The following FAM167A variants were observed in gnomAD, a reference collection of about 807,000 sequenced individuals.
The protein encoded by FAM167A is protein FAM167A.
FAM167A carries 23 observed loss-of-function variants against 14.9 expected under a neutral mutation model. The ratio of observed to expected loss-of-function variants is 1.55; its 90% confidence interval spans 1.11 to 2.19. The LOEUF (loss-of-function observed/expected upper bound fraction) is 2.19, where lower values mean the gene tolerates loss of function less well. Among genes scored for constraint, FAM167A ranks in the 30% most tolerant of loss-of-function variants. The pLI is 0.00. For synonymous variants in FAM167A, 174 were observed against 117.7 expected (o/e 1.48, Z -3.10); for missense variants, 401 against 281.5 (o/e 1.42, Z -3.04).
chr8:11,461,217 G>C (rs1362342799), intron 1 of FAM167A, among the ~76,000 whole-genome samples: 1 of 152,252 alleles, frequency 6.6e-6, no homozygotes, highest in Admixed American at 6.5e-5. Context: ...CCAAGGCTGC[G>C]GGGCTCTGGG....
At chr8:11,438,339 A>T (rs1253218021) in intron 2 of FAM167A, 1 of 429,692 alleles carries the variant, frequency 2.3e-6, no homozygotes, top group East Asian at 7.0e-5. Context: ...GCCCCAACTC[A>T]TCAGCTCTCA....
rs895201517 is a variant in FAM167A, at chr8:11,422,120, A to G, written c.*2253T>C. 1 of 293,026 alleles carries G rather than the reference A, an allele frequency of 3.4e-6. No homozygotes were observed. The highest frequency in any genetic ancestry group is 1.6e-4 in the South Asian group (1 of 6,082). 18.2% of individuals were successfully genotyped at this position (293,026 alleles called of 1,614,324 possible). On this transcript the variant is annotated 3_prime_UTR_variant, in exon 3 of 3. Transcript: ENST00000284486. ...CTTGATCTTAGTTTCCACCCAGAGAATGAAGAAAGCAAGCAAGCACTGGGT... is the reference window on the plus strand; with the variant it reads ...CTTGATCTTAGTTTCCACCCAGAGAGTGAAGAAAGCAAGCAAGCACTGGGT...
chr8:11,435,265 G>C (rs1043568909), intron 2 of FAM167A, among the ~76,000 whole-genome samples: 1 of 152,134 alleles, frequency 6.6e-6, no homozygotes, highest in Non-Finnish European at 1.5e-5. Context: ...CCCTCTCCCT[G>C]CAGAGGGGAT....
At chr8:11,442,967 T>A (rs1806528688) in intron 2 of FAM167A, among the ~76,000 whole-genome samples, 1 of 152,136 alleles carries the variant, frequency 6.6e-6, no homozygotes, top group Admixed American at 6.5e-5. Flanking sequence ...CCAGGCCTCA[T>A]GGGGATTTAG....
chr8:11,430,256 G>A (rs563684316), intron 2 of FAM167A, among the ~76,000 whole-genome samples: 1 of 152,350 alleles, frequency 6.6e-6, no homozygotes, highest in Non-Finnish European at 1.5e-5. Flanking sequence ...TGAAAGGGAA[G>A]AGATGTCATT....
chr8:11,447,122 G>C (rs1197492783), intron 1 of FAM167A, among the ~76,000 whole-genome samples: 1 of 152,156 alleles, frequency 6.6e-6, no homozygotes, highest in African/African-American at 2.4e-5. Context: ...CTCAGGGTAG[G>C]AAACTGCTAC....
chr8:11,444,388 C>T lies in FAM167A; in HGVS notation c.24G>A (p.Val8=). 6.4e-7 allele frequency: 1 copy of T among 1,560,264 alleles called. No homozygotes were observed. Among genetic ancestry groups the T allele is most frequent in the Non-Finnish European group, 8.7e-7 (1 of 1,152,580 alleles). The change falls in exon 2 of 3, where the codon GTG becomes GTA. Residue 8 remains valine, a synonymous_variant. Coordinates refer to ENST00000284486, the MANE Select transcript of FAM167A (RefSeq NM_053279.3). ...CCCCCTCTTCTGCACCCACTTCTTC[C>T]ACGTGGATCTGGGGCACAGACATTC... MSVPQIH[V]EEVGAEEGAG... is the part of the protein sequence containing the mutation.
At chr8:11,427,347 C>CCT (rs1805246806) in intron 2 of FAM167A, among the ~76,000 whole-genome samples, 1 of 152,180 alleles carries the variant, frequency 6.6e-6, no homozygotes, top group Non-Finnish European at 1.5e-5. Flanking sequence ...TGCAGAGCGC[C>CCT]TTCTGTAAGC....
chr8:11,426,412 A>G (rs1487637073), intron 2 of FAM167A, among the ~76,000 whole-genome samples: 2 of 152,200 alleles, frequency 1.3e-5, no homozygotes, highest in African/African-American at 4.8e-5. Flanking sequence ...GGCTCAGAAT[A>G]AACCTCTTTA....
chr8:11,461,681 C>G (rs189994848), intron 1 of FAM167A, among the ~76,000 whole-genome samples: 456 of 152,348 alleles, frequency 3.0e-3, no homozygotes, highest in African/African-American at 0.01. Flanking sequence ...TGGCCTCAGC[C>G]TCCAAACAAG....
intron 2 of FAM167A, among the ~76,000 whole-genome samples, chr8:11,442,823 G>T (rs796545319): frequency 3.9e-5 from 6 of 152,250 alleles, no homozygotes; most frequent in African/African-American, 1.4e-4. Context: ...TAATAGAATG[G>T]TGTGTTCTGA....
intron 2 of FAM167A, among the ~76,000 whole-genome samples, chr8:11,432,000 A>G (rs1400418067): frequency 6.6e-6 from 1 of 151,496 alleles, no homozygotes; most frequent in African/African-American, 2.4e-5. Context: ...TGTCCCTGGC[A>G]AAGGCTAGTC....
chr8:11,428,613 T>G (rs933925543), intron 2 of FAM167A, among the ~76,000 whole-genome samples: 3 of 152,186 alleles, frequency 2.0e-5, no homozygotes, highest in Non-Finnish European at 4.4e-5. Flanking sequence ...CGTGAGCATC[T>G]CGCTAGGATG....
chr8:11,427,468 C>T lies in FAM167A; in HGVS notation c.382-2832G>A, dbSNP rs115122036. ...TGTAAGTGGTTATTTAGTATTTCTG[C>T]GACATGCTCGGCTGTGCCATTTACC... On this transcript the variant is annotated intron_variant, in intron 2 of 2. Transcript: ENST00000284486. 9.5e-4 allele frequency among the ~76,000 whole-genome samples: 145 copies of T among 152,264 alleles called. 1 individual carries two copies. The highest frequency in any genetic ancestry group is 3.2e-3 in the African/African-American group (134 of 41,554).
Position 11,444,450 on chromosome 8 carries a change from G to A in FAM167A, c.-39C>T, listed in dbSNP as rs369944266. On this transcript the variant is annotated 5_prime_UTR_variant, in exon 2 of 3. Transcript: ENST00000284486. ...CTGGCAGCCGGACATGCGAGGGCAC[G>A]GGGGGCGCAGGGGGAGGCTTGGTGG... 4.6e-6 allele frequency: 7 copies of A among 1,511,064 alleles called. No homozygotes were observed. Among genetic ancestry groups the A allele is most frequent in the South Asian group, 1.3e-5 (1 of 76,252 alleles). 93.6% of individuals were successfully genotyped at this position (1,511,064 alleles called of 1,614,324 possible).
intron 2 of FAM167A, chr8:11,443,683 A>G: frequency 4.3e-6 from 1 of 234,486 alleles, no homozygotes; most frequent in East Asian, 1.3e-4. Context: ...GGGAGGTTCC[A>G]GCACAGAGGG....
At position 11,444,563 on chromosome 8, in the gene FAM167A, G is replaced by A. The variant is rs1806664438; in HGVS notation, c.-152C>T. ...CAGGAGCCGGCCTCAGAGGCTGGGTGGCAGGGGAGCTGAGAGGGACCGCGC... is the reference window on the plus strand; with the variant it reads ...CAGGAGCCGGCCTCAGAGGCTGGGTAGCAGGGGAGCTGAGAGGGACCGCGC... On this transcript the variant is annotated 5_prime_UTR_variant, in exon 2 of 3. Transcript: ENST00000284486. 3 of 1,457,554 alleles carry A rather than the reference G, an allele frequency of 2.1e-6. No homozygotes were observed. The highest frequency in any genetic ancestry group is 1.4e-5 in the African/African-American group (1 of 70,574). 90.3% of individuals were successfully genotyped at this position (1,457,554 alleles called of 1,614,324 possible). A position where few individuals can be genotyped will look rare whatever the true frequency, so the allele number is the denominator to read the frequency against.
intron 2 of FAM167A, among the ~76,000 whole-genome samples, chr8:11,440,885 G>A (rs1470917504): frequency 1.3e-5 from 2 of 152,222 alleles, no homozygotes; most frequent in East Asian, 3.8e-4. Flanking sequence ...TACCTTCAAT[G>A]AGTTAAGAGG....
At chr8:11,442,309 C>T (rs761040048) in intron 2 of FAM167A, among the ~76,000 whole-genome samples, 2 of 152,076 alleles carry the variant, frequency 1.3e-5, no homozygotes, top group African/African-American at 4.8e-5. Context: ...AAAAACCACA[C>T]GTGTGGTTAT....
Sources: gnomAD v4.1 joint callset for allele counts (sites outside exome capture counted in the v4.1 genomes callset) on GRCh38, gnomAD v4.1.1 for gene constraint, MANE v1.5 for transcripts, NCBI Gene and HGNC (gene_info 2026-07-23, HGNC 2026-07-21) for gene names.